N4BP2: variants seen among roughly 807,000 people sequenced by gnomAD.
The protein encoded by N4BP2 is NEDD4-binding protein 2.
N4BP2 carries 91 observed loss-of-function variants against 152.8 expected under a neutral mutation model. The ratio of observed to expected loss-of-function variants is 0.60; its 90% confidence interval spans 0.50 to 0.71. N4BP2 has a LOEUF of 0.71. Ranked by LOEUF, N4BP2 falls within the 30% of genes least tolerant of loss-of-function variation. The probability of loss-of-function intolerance (pLI) is 0.00; values close to 1 mark genes in which losing one functional copy is unlikely to be tolerated. For missense variants in N4BP2, 1,923 were observed against 2,059.1 expected (o/e 0.93, Z 1.28); for synonymous variants, 646 against 705.3 (o/e 0.92, Z 1.33).
At position 40,106,962 on chromosome 4, in the gene N4BP2, AT is replaced by A. The variant is rs1716359851; in HGVS notation, c.1437del (p.Asn479LysfsTer8). The A allele has an allele frequency of 2.5e-6, 4 of 1,612,878 alleles. No individual in the cohort carries two copies. The highest frequency in any genetic ancestry group is 1.7e-5 in the Admixed American group (1 of 60,000). On this transcript the variant is annotated frameshift_variant, in exon 5 of 18. Coordinates refer to ENST00000261435, the MANE Select transcript of N4BP2 (RefSeq NM_018177.6). LOFTEE classifies it high-confidence loss of function. ...ILSTDDYFYI[N>X]GQYQFDVKYL... is the part of the protein sequence containing the mutation. ...AGTACTGATGATTATTTTTATATAA[AT>A]GGACAGTACCAGTTTGATGTAAAGT...
At chr4:40,178,357 T>C in the N4BP2 span, among the ~76,000 whole-genome samples, 1 of 152,080 alleles carries the variant, frequency 6.6e-6, no homozygotes, top group Non-Finnish European at 1.5e-5. Context: ...TCAAAAGTTG[T>C]TCCTTTAAGA....
chr4:40,075,295 T>C (rs1341319013), intron 2 of N4BP2, among the ~76,000 whole-genome samples: 1 of 152,186 alleles, frequency 6.6e-6, no homozygotes, highest in Non-Finnish European at 1.5e-5. Context: ...TGATGTATTA[T>C]ACAGAAATAC....
rs35142277 is a variant in N4BP2, at chr4:40,091,602, C to CTTTT, written c.-114-5605_-114-5602dup. Reference sequence around the variant, plus strand: ...CCCCATTTCATTATAGTATACAATCCTTTTTTTTTTTTTTTTTTTTTTTGA... The same window carrying CTTTT: ...CCCCATTTCATTATAGTATACAATCCTTTTTTTTTTTTTTTTTTTTTTTTTTTGA... On this transcript the variant is annotated intron_variant, in intron 2 of 17. Coordinates refer to ENST00000261435, the MANE Select transcript of N4BP2 (RefSeq NM_018177.6). Among the ~76,000 whole-genome samples, 45 of 80,456 alleles carry CTTTT rather than the reference C, an allele frequency of 5.6e-4. 1 individual carries two copies. The highest frequency in any genetic ancestry group is 8.1e-4 in the Non-Finnish European group (34 of 41,932). The allele number at this position is 80,456 out of a possible 152,430, so 52.8% of individuals were successfully genotyped here.
intron 2 of N4BP2, among the ~76,000 whole-genome samples, chr4:40,074,469 A>T (rs1712529141): frequency 6.6e-6 from 1 of 151,792 alleles, no homozygotes; most frequent in East Asian, 2.0e-4. Context: ...TCGGCCTCCC[A>T]AAGTGCTGGG....
At chr4:40,187,018 G>C in the N4BP2 span, among the ~76,000 whole-genome samples, 91 of 152,262 alleles carry the variant, frequency 6.0e-4, no homozygotes, top group South Asian at 0.018. Flanking sequence ...CAGTAATAAA[G>C]TGAATGAAAT....
At chr4:40,101,690 A>G (rs1049191457) in intron 3 of N4BP2, among the ~76,000 whole-genome samples, 1 of 152,208 alleles carries the variant, frequency 6.6e-6, no homozygotes, top group Non-Finnish European at 1.5e-5. Context: ...CTTAATATTT[A>G]AAAGTTTGCA....
At chr4:40,066,320 C>CCT (rs796388604) in intron 1 of N4BP2, among the ~76,000 whole-genome samples, 42 of 129,062 alleles carry the variant, frequency 3.3e-4, no homozygotes, top group Non-Finnish European at 4.1e-4. Context: ...GTGATTTTCC[C>CCT]TTTTTTTTTT....
rs760315776 is a variant in N4BP2, at chr4:40,121,143, T to C, written c.3032T>C (p.Val1011Ala). ...CCTAAGAGAGACCCTGGAAAAGAAGTAGGCATGTGCACCCAGACTGAACCA... is the reference window on the plus strand; with the variant it reads ...CCTAAGAGAGACCCTGGAAAAGAAGCAGGCATGTGCACCCAGACTGAACCA... The part of the protein sequence containing the change: ...QMPKRDPGKE[V>A]GMCTQTEPQD... The change falls in exon 9 of 18, where the codon GTA becomes GCA. Residue 1011 changes from valine to alanine, a missense_variant. Physicochemically the swap from Val to Ala is moderately conservative, Grantham distance 64. Transcript: ENST00000261435. 1.9e-6 allele frequency: 3 copies of C among 1,614,124 alleles called. No homozygotes were observed. The highest frequency in any genetic ancestry group is 1.7e-6 in the Non-Finnish European group (2 of 1,180,030).
Position 40,121,315 on chromosome 4 carries a change from T to C in N4BP2, c.3204T>C (p.Tyr1068=). The change falls in exon 9 of 18, where the codon TAT becomes TAC. Residue 1068 remains tyrosine, a synonymous_variant. Transcript: ENST00000261435. Reference sequence around the variant, plus strand: ...CAGACGTTCAAGAAGCAATTCCATATAGAGTAATGTATGATAAAAGCACGT... The same window carrying C: ...CAGACGTTCAAGAAGCAATTCCATACAGAGTAATGTATGATAAAAGCACGT... ...TKSDVQEAIP[Y]RVMYDKSTFV... The C allele has an allele frequency of 6.2e-7, 1 of 1,613,936 alleles. No homozygotes were observed. Among genetic ancestry groups the C allele is most frequent in the Non-Finnish European group, 8.5e-7 (1 of 1,179,960 alleles).
chr4:40,094,806 C>T (rs1393851860), intron 2 of N4BP2, among the ~76,000 whole-genome samples: 3 of 151,808 alleles, frequency 2.0e-5, no homozygotes, highest in Non-Finnish European at 4.4e-5. Flanking sequence ...CCCACCTCGA[C>T]CTCCCAAAAC....
At chr4:40,165,951 C>G in the N4BP2 span, among the ~76,000 whole-genome samples, 1 of 152,208 alleles carries the variant, frequency 6.6e-6, no homozygotes, top group Non-Finnish European at 1.5e-5. Flanking sequence ...TCTACCACTG[C>G]TGGGCCTTAT....
At chr4:40,181,407 A>G in the N4BP2 span, among the ~76,000 whole-genome samples, 1 of 152,164 alleles carries the variant, frequency 6.6e-6, no homozygotes, top group Non-Finnish European at 1.5e-5. Flanking sequence ...TAACATATCA[A>G]TTAGGATTAG....
At chr4:40,126,610 CT>C (rs1241598948) in intron 12 of N4BP2, among the ~76,000 whole-genome samples, 3 of 151,106 alleles carry the variant, frequency 2.0e-5, no homozygotes, top group Non-Finnish European at 4.4e-5. Context: ...TTTTCTTTAC[CT>C]TTTTTTTTCT....
Position 40,120,617 on chromosome 4 carries a change from G to C in N4BP2, c.2506G>C (p.Asp836His), listed in dbSNP as rs760432969. 3.1e-5 allele frequency: 50 copies of C among 1,614,028 alleles called. No homozygotes were observed. The highest frequency in any genetic ancestry group is 1.6e-4 in the Middle Eastern group (1 of 6,084). The change falls in exon 9 of 18, where the codon GAT becomes CAT. Residue 836 changes from aspartate (D) to histidine (H), a missense_variant. By Grantham distance (81) the Asp-to-His change is moderately conservative (BLOSUM62 -1). Transcript: ENST00000261435. ...KLVNSVSVNT[D>H]CVQQRGSPHE... ...AGTTAACAGTGTATCTGTGAATACA[G>C]ATTGTGTCCAGCAACGAGGATCTCC... is the stretch of plus-strand genomic sequence containing the variant.
chr4:40,090,856 C>T (rs187513382), intron 2 of N4BP2, among the ~76,000 whole-genome samples: 2,142 of 149,048 alleles, frequency 0.014, 41 homozygotes, highest in Non-Finnish European at 0.017. Context: ...TTGCTTGAAC[C>T]CAGGAGGTGG....
intron 4 of N4BP2, among the ~76,000 whole-genome samples, chr4:40,103,671 G>A (rs746358055): frequency 8.5e-5 from 13 of 152,304 alleles, no homozygotes; most frequent in Admixed American, 5.9e-4. Flanking sequence ...TTTGAAGGAA[G>A]AGAGTATAGG....
At chr4:40,099,237 T>C (rs1001701810) in intron 3 of N4BP2, among the ~76,000 whole-genome samples, 4 of 152,190 alleles carry the variant, frequency 2.6e-5, no homozygotes, top group African/African-American at 9.6e-5. Context: ...TGTGTGGTAG[T>C]GTTTTAAGAT....
At chr4:40,095,878 G>C (rs1210051984) in intron 2 of N4BP2, among the ~76,000 whole-genome samples, 1 of 152,052 alleles carries the variant, frequency 6.6e-6, no homozygotes. Context: ...AACATATAGG[G>C]GTTTAGATCA....
At position 40,149,562 on chromosome 4, in the gene N4BP2, G is replaced by C. The variant is rs116500149; in HGVS notation, c.5144-3218G>C. 6.0e-4 allele frequency among the ~76,000 whole-genome samples: 92 copies of C among 152,298 alleles called. 1 individual carries two copies. Among genetic ancestry groups the C allele is most frequent in the South Asian group, 1.4e-3 (7 of 4,828 alleles). On this transcript the variant is annotated intron_variant, in intron 16 of 17. Transcript: ENST00000261435. ...TTAATTGCATATTTTAAAATGGTTA[G>C]TTTTATGTTAATTTTATCTCAATTA...
Sources: gnomAD v4.1 joint callset for allele counts (sites outside exome capture counted in the v4.1 genomes callset) on GRCh38, gnomAD v4.1.1 for gene constraint, MANE v1.5 for transcripts, NCBI Gene and HGNC (gene_info 2026-07-23, HGNC 2026-07-21) for gene names.